Variants in EVI5L observed in about 807,000 individuals in gnomAD.
The protein encoded by EVI5L is EVI5-like protein.
Under a neutral mutation model 106.1 loss-of-function variants are expected in EVI5L, and 30 were observed. The ratio of observed to expected loss-of-function variants is 0.28; its 90% CI spans 0.21 to 0.38. The LOEUF (loss-of-function observed/expected upper bound fraction) is 0.38. Among genes scored for constraint, EVI5L ranks in the 10% least tolerant of loss-of-function variants. The pLI is 1.00. For missense variants in EVI5L, 809 were observed against 1,098.0 expected (o/e 0.74, Z 3.72); for synonymous variants, 489 against 483.3 (o/e 1.01, Z -0.15).
At chr19:7,862,074 G>A in intron 15 of EVI5L, 48 bp from the exon 16 acceptor site, 1 of 1,546,094 alleles carries the variant, frequency 6.5e-7, no homozygotes, top group South Asian at 1.2e-5. Flanking sequence ...ATCCCCTCGG[G>A]GTTCTTGGGC....
chr19:7,836,794 A>G (rs528493103), intron 1 of EVI5L, among the ~76,000 whole-genome samples: 65 of 151,380 alleles, frequency 4.3e-4, no homozygotes, highest in African/African-American at 1.5e-3. Context: ...CTAATTTTGT[A>G]TGTGTGTGTG....
chr19:7,856,787 G>A lies in EVI5L; in HGVS notation c.1201-305G>A, dbSNP rs368671355. Among the ~76,000 whole-genome samples the A allele has an allele frequency of 5.3e-5, 8 of 152,216 alleles. No homozygotes were observed. Among genetic ancestry groups the A allele is most frequent in the Admixed American group, 2.6e-4 (4 of 15,288 alleles). Reference sequence around the variant, plus strand: ...CCCCACAGTTTTTCCAGCCAGCAGCGGCCCGGCTGACCCTGGAGGGTGGGA... The same window carrying A: ...CCCCACAGTTTTTCCAGCCAGCAGCAGCCCGGCTGACCCTGGAGGGTGGGA... On this transcript the variant is annotated intron_variant, in intron 11 of 19. Coordinates refer to ENST00000538904, the MANE Select transcript of EVI5L (RefSeq NM_001159944.3). The surrounding 1 kb of genome is among the most constrained non-coding windows in gnomAD (Gnocchi z 6.6).
intron 1 of EVI5L, among the ~76,000 whole-genome samples, chr19:7,837,662 G>A (rs1177005473): frequency 1.3e-5 from 2 of 151,870 alleles, no homozygotes; most frequent in Non-Finnish European, 2.9e-5. Flanking sequence ...CTTGCTTTTC[G>A]TGACCTTGAC....
chr19:7,843,635 G>A (rs1043275969), intron 1 of EVI5L, among the ~76,000 whole-genome samples: 3 of 147,292 alleles, frequency 2.0e-5, no homozygotes, highest in Non-Finnish European at 4.5e-5. Context: ...AGGCATGAGG[G>A]TGTGTGTCGA....
chr19:7,833,261 G>A (rs992304223), intron 1 of EVI5L, among the ~76,000 whole-genome samples: 2 of 152,240 alleles, frequency 1.3e-5, no homozygotes, highest in Admixed American at 6.5e-5. Context: ...GTCAGATGTT[G>A]GGGTGTGAAG....
chr19:7,849,969 A>G (rs2146426607), intron 5 of EVI5L, 28 bp from the exon 6 acceptor site: 1 of 1,530,916 alleles, frequency 6.5e-7, no homozygotes, highest in Non-Finnish European at 8.9e-7. Context: ...CGCTGCCCTG[A>G]GCCCCCCCAC....
At position 7,862,036 on chromosome 19, in the gene EVI5L, G is replaced by A; in HGVS notation, c.1644+18G>A. On this transcript the variant is annotated intron_variant, in intron 15 of 19. Transcript: ENST00000538904. The stretch of plus-strand genomic sequence containing the variant: ...CCTGGCAGGTGAGGGCCGGGTGGGC[G>A]CCGGCGGGCAGAGCGCCCCCTAGGG... The A allele has an allele frequency of 4.5e-6, 7 of 1,540,560 alleles. No individual in the cohort carries two copies. The highest frequency in any genetic ancestry group is 6.1e-6 in the Non-Finnish European group (7 of 1,143,038).
rs548869303 is a variant in EVI5L at position 7,845,522 on chromosome 19, T to C, written c.-47-974T>C. Among the ~76,000 whole-genome samples the C allele has an allele frequency of 6.6e-6, 1 of 152,332 alleles. No individual in the cohort carries two copies. Among genetic ancestry groups the C allele is most frequent in the African/African-American group, 2.4e-5 (1 of 41,580 alleles). On this transcript the variant is annotated intron_variant, in intron 1 of 19. Coordinates refer to ENST00000538904, the MANE Select transcript of EVI5L (RefSeq NM_001159944.3). This position sits in a 1 kb window ranked among gnomAD's most constrained non-coding sequence, Gnocchi z 4.0. ...GTTCTGACCAGGTTATGTGCAGTCA[T>C]GTGCTCAGTTTCCACAGCCACCCTT... is the stretch of plus-strand genomic sequence containing the variant.
At chr19:7,843,443 TA>T (rs1978786154) in intron 1 of EVI5L, among the ~76,000 whole-genome samples, 1 of 130,508 alleles carries the variant, frequency 7.7e-6, no homozygotes, top group Non-Finnish European at 1.7e-5. Flanking sequence ...AGTGTGTGTG[TA>T]TGGGTGTGTG....
In EVI5L at chr19:7,848,008, CG is replaced by C; in HGVS notation, c.327+91del. ...AGCCACCAGGCAGCGCCAGGGTCTG[CG>C]GGGCCCCAGCCTGGGCACAGCGGCA... On this transcript the variant is annotated intron_variant, in intron 3 of 19. Coordinates refer to ENST00000538904, the MANE Select transcript of EVI5L (RefSeq NM_001159944.3). This position sits in a 1 kb window ranked among gnomAD's most constrained non-coding sequence, Gnocchi z 4.8. 1 of 1,422,314 alleles carries C rather than the reference CG, an allele frequency of 7.0e-7. No individual in the cohort carries two copies. The highest frequency in any genetic ancestry group is 9.3e-7 in the Non-Finnish European group (1 of 1,070,228). The allele number at this position is 1,422,314 out of a possible 1,614,324, so 88.1% of individuals were successfully genotyped here. A position where few individuals can be genotyped will look rare whatever the true frequency, so the allele number is the denominator to read the frequency against.
At chr19:7,851,859 G>A (rs889205767) in intron 8 of EVI5L, 89 bp downstream of exon 8, 58 of 1,214,160 alleles carry the variant, frequency 4.8e-5, no homozygotes, top group Middle Eastern at 2.9e-4. Flanking sequence ...GAGAGGGCCC[G>A]GCTTCGAGGG....
At chr19:7,852,187 G>A (rs1034027743) in intron 8 of EVI5L, among the ~76,000 whole-genome samples, 1 of 152,210 alleles carries the variant, frequency 6.6e-6, no homozygotes, top group Non-Finnish European at 1.5e-5. Flanking sequence ...GCCTTGCCCC[G>A]CCCCAGCCCG....
chr19:7,846,118 G>A (rs1009981289), intron 1 of EVI5L, among the ~76,000 whole-genome samples: 11 of 152,190 alleles, frequency 7.2e-5, no homozygotes, highest in Admixed American at 2.6e-4. Context: ...CCTGCACCCC[G>A]AGGTCCCAGC....
rs1404906412 is a variant in EVI5L, at chr19:7,863,460, C to A, written c.2176C>A (p.Pro726Thr). 1 of 1,561,396 alleles carries A rather than the reference C, an allele frequency of 6.4e-7. No individual in the cohort carries two copies. The change falls in exon 20 of 20, where the codon CCG becomes ACG. Residue 726 changes from proline to threonine, a missense_variant. Pro to Thr is a conservative substitution (Grantham distance 38). Coordinates refer to ENST00000538904, the MANE Select transcript of EVI5L (RefSeq NM_001159944.3). The surrounding 1 kb of genome is among the most constrained non-coding windows in gnomAD (Gnocchi z 7.7). Reference sequence around the variant, plus strand: ...GAAGGGCCCGCCGCCCTTCGAGGACCCGCTGGCTTTCGATGGGCTGAGCCT... The same window carrying A: ...GAAGGGCCCGCCGCCCTTCGAGGACACGCTGGCTTTCGATGGGCTGAGCCT... ...LLKGPPPFEDPLAFDGLSLAR... is the reference protein window; with the variant it reads ...LLKGPPPFEDTLAFDGLSLAR...
intron 1 of EVI5L, among the ~76,000 whole-genome samples, chr19:7,837,860 C>A (rs544154186): frequency 6.6e-6 from 1 of 151,874 alleles, no homozygotes; most frequent in Non-Finnish European, 1.5e-5. Context: ...TGTGCCACCA[C>A]GCCCGGCTAA....
Position 7,853,074 on chromosome 19 carries a change from G to T in EVI5L, c.988-12G>T. The T allele has an allele frequency of 1.2e-6, 2 of 1,613,612 alleles. No homozygotes were observed. The highest frequency in any genetic ancestry group is 2.2e-5 in the East Asian group (1 of 44,874). Reference sequence around the variant, plus strand: ...CATGTTGGTGACCAGGTGACCGGCTGTGTCCCCACAGTACTTCCAGAGAGT... The same window carrying T: ...CATGTTGGTGACCAGGTGACCGGCTTTGTCCCCACAGTACTTCCAGAGAGT... On this transcript the variant is annotated splice_polypyrimidine_tract_variant and intron_variant, in intron 8 of 19. Coordinates refer to ENST00000538904, the MANE Select transcript of EVI5L (RefSeq NM_001159944.3).
chr19:7,852,713 A>G, intron 8 of EVI5L: 1 of 191,238 alleles, frequency 5.2e-6, no homozygotes, highest in Non-Finnish European at 9.8e-6. Context: ...CACCATGTCC[A>G]GCTAATTTTT....
Position 7,862,953 on chromosome 19 carries a change from C to A in EVI5L, c.1948-19C>A. On this transcript the variant is annotated intron_variant, in intron 17 of 19. Transcript: ENST00000538904. ...GCCCCCTGACCCGCCCTCCTTTCCC[C>A]CCAATCCCCCGACCCCAGAGCAAGG... 6.5e-7 allele frequency: 1 copy of A among 1,528,316 alleles called. No individual in the cohort carries two copies. The allele number at this position is 1,528,316 out of a possible 1,614,324, so 94.7% of individuals were successfully genotyped here. A position where few individuals can be genotyped will look rare whatever the true frequency, so the allele number is the denominator to read the frequency against.
rs1979995181 is a variant in EVI5L at position 7,863,946 on chromosome 19, C to T, written c.*244C>T. ...CATCTTGGTCTGTACCCCTCCGGGC[C>T]CTCTGGCGTTCCAGGGGTGCCTGGA... On this transcript the variant is annotated 3_prime_UTR_variant, in exon 20 of 20. Transcript: ENST00000538904. The surrounding 1 kb of genome is among the most constrained non-coding windows in gnomAD (Gnocchi z 7.7). 2.0e-6 allele frequency: 1 copy of T among 489,008 alleles called. No homozygotes were observed. Among genetic ancestry groups the T allele is most frequent in the Non-Finnish European group, 3.5e-6 (1 of 288,600 alleles). The allele number at this position is 489,008 out of a possible 1,614,324, so 30.3% of individuals were successfully genotyped here.
Sources: gnomAD v4.1 joint callset for allele counts (sites outside exome capture counted in the v4.1 genomes callset) on GRCh38, gnomAD v4.1.1 for gene constraint, Gnocchi (gnomAD v3.1) non-coding constraint, MANE v1.5 for transcripts, NCBI Gene and HGNC (gene_info 2026-07-23, HGNC 2026-07-21) for gene names.